GSE1: variants seen among roughly 807,000 people sequenced by gnomAD.
GSE1 encodes Gse1 coiled-coil protein.
GSE1 carries 32 observed loss-of-function variants against 112.6 expected under a neutral mutation model. The observed-to-expected ratio is 0.28, with a 90% CI of 0.21 to 0.38. The LOEUF is 0.38. Ranked by LOEUF, GSE1 falls within the 10% of genes least tolerant of loss-of-function variation. The pLI is 1.00. For synonymous variants in GSE1, 1,115 were observed against 735.6 expected, an observed-to-expected ratio of 1.52 and a Z score of -8.35; for missense variants, 2,348 against 1,699.2, an observed-to-expected ratio of 1.38 and a Z score of -6.71.
At chr16:85,417,323 G>A (rs775337007) in intron 2 of GSE1, among the ~76,000 whole-genome samples, 2 of 152,146 alleles carry the variant, frequency 1.3e-5, no homozygotes, top group Non-Finnish European at 2.9e-5. Context: ...ATTGCCAGAT[G>A]TCCCCCTGGG....
At chr16:85,472,701 G>T (rs147858159) in intron 2 of GSE1, among the ~76,000 whole-genome samples, 11 of 152,356 alleles carry the variant, frequency 7.2e-5, no homozygotes, top group Admixed American at 3.9e-4. Flanking sequence ...CCCTGCTGCT[G>T]TCTGCGGCTC....
At chr16:85,661,966 T>C (rs2052471858) in intron 9 of GSE1, among the ~76,000 whole-genome samples, 1 of 152,218 alleles carries the variant, frequency 6.6e-6, no homozygotes, top group African/African-American at 2.4e-5. Flanking sequence ...TCCCCGTGCC[T>C]GTCCTGCCTC....
intron 1 of GSE1, among the ~76,000 whole-genome samples, chr16:85,621,223 T>C (rs890451268): frequency 2.7e-5 from 4 of 150,712 alleles, no homozygotes; most frequent in Admixed American, 6.6e-5. Context: ...GGGTCTCTGC[T>C]GTGTTGGGGA....
chr16:85,614,899 C>T (rs202101809), intron 1 of GSE1, among the ~76,000 whole-genome samples: 2 of 152,242 alleles, frequency 1.3e-5, no homozygotes, highest in East Asian at 3.9e-4. Context: ...AGCCGCACTC[C>T]GGGTGGAAGC....
chr16:85,571,970 G>T (rs908650258), intron 1 of GSE1, among the ~76,000 whole-genome samples: 1 of 152,018 alleles, frequency 6.6e-6, no homozygotes, highest in Non-Finnish European at 1.5e-5. Flanking sequence ...GTGGGGACCA[G>T]GTGGACCCTG....
At chr16:85,209,588 C>T (rs1004819796) in intron 1 of GSE1, among the ~76,000 whole-genome samples, 1 of 152,190 alleles carries the variant, frequency 6.6e-6, no homozygotes, top group African/African-American at 2.4e-5. Context: ...GAAACGGCTT[C>T]TGCAGCACCG....
intron 3 of GSE1, among the ~76,000 whole-genome samples, chr16:85,650,995 C>G (rs1298803145): frequency 2.7e-5 from 4 of 149,208 alleles, no homozygotes; most frequent in Admixed American, 2.7e-4. Flanking sequence ...CTATGGAACC[C>G]TTGCTCTAAT....
At chr16:85,336,515 C>T (rs559650245) in intron 1 of GSE1, among the ~76,000 whole-genome samples, 1 of 152,290 alleles carries the variant, frequency 6.6e-6, no homozygotes, top group East Asian at 1.9e-4. Context: ...TGGCTTTCTG[C>T]AGCCTGGTGG....
intron 11 of GSE1, among the ~76,000 whole-genome samples, chr16:85,664,239 G>A (rs555109270): frequency 5.9e-5 from 9 of 152,356 alleles, no homozygotes; most frequent in South Asian, 4.1e-4. Context: ...AGATGTTGAC[G>A]TTCCTGGCCC....
intron 1 of GSE1, among the ~76,000 whole-genome samples, chr16:85,334,146 C>G (rs66470643): frequency 2.0e-5 from 3 of 152,070 alleles, no homozygotes; most frequent in Non-Finnish European, 4.4e-5. Flanking sequence ...CGGCCTTCCT[C>G]GTCCCACACA....
intron 2 of GSE1, among the ~76,000 whole-genome samples, chr16:85,503,376 C>A (rs11860818): frequency 6.6e-6 from 1 of 152,072 alleles, no homozygotes; most frequent in African/African-American, 2.4e-5. Flanking sequence ...TCCACCTGCC[C>A]TCAGCTGCCG....
chr16:85,612,140 C>T (rs2048026215), upstream of GSE1, among the ~76,000 whole-genome samples: 1 of 151,766 alleles, frequency 6.6e-6, no homozygotes, highest in East Asian at 2.0e-4. Flanking sequence ...GGTTACAGCC[C>T]AGGGCGCCAG....
At chr16:85,474,650 G>T (rs369058359) in intron 2 of GSE1, among the ~76,000 whole-genome samples, 1 of 94,442 alleles carries the variant, frequency 1.1e-5, no homozygotes, top group Admixed American at 1.4e-4. Flanking sequence ...CTTTCCTCTT[G>T]CCCCCCCTCT....
chr16:85,594,252 G>A (rs2047126785), intron 1 of GSE1: 1 of 147,370 alleles, frequency 6.8e-6, no homozygotes, highest in African/African-American at 2.5e-5. Flanking sequence ...GGGGCGGAGG[G>A]GACAGGCGGG....
At chr16:85,192,684 T>G (rs1175108539) in intron 1 of GSE1, among the ~76,000 whole-genome samples, 1 of 152,168 alleles carries the variant, frequency 6.6e-6, no homozygotes, top group African/African-American at 2.4e-5. Context: ...CCTGGAGGCC[T>G]CCTGGCCTCC....
Position 85,655,751 on chromosome 16 carries a change from G to T in GSE1, c.823G>T (p.Ala275Ser). The change falls in exon 6 of 16, where the codon GCC (alanine) becomes TCC (serine). Residue 275 changes from alanine to serine, a missense_variant. By Grantham distance (99) the Ala-to-Ser change is moderately conservative (BLOSUM62 1). Transcript: ENST00000253458. Reference sequence around the variant, plus strand: ...GATGGACGACTCCTACTGCCTGTCTGCCCTGAGGTCCCCGTTCTACCCCAT... The same window carrying T: ...GATGGACGACTCCTACTGCCTGTCTTCCCTGAGGTCCCCGTTCTACCCCAT... ...FRMDDSYCLSALRSPFYPIPT... is the reference protein window; with the variant it reads ...FRMDDSYCLSSLRSPFYPIPT... 3.7e-6 allele frequency: 6 copies of T among 1,607,850 alleles called. No homozygotes were observed. The highest frequency in any genetic ancestry group is 5.1e-6 in the Non-Finnish European group (6 of 1,177,310).
intron 1 of GSE1, among the ~76,000 whole-genome samples, chr16:85,303,406 C>G (rs185484165): frequency 4.1e-4 from 63 of 152,334 alleles, no homozygotes; most frequent in African/African-American, 1.4e-3. Flanking sequence ...TCCCACCTGT[C>G]GGTCTGACGG....
intron 1 of GSE1, among the ~76,000 whole-genome samples, chr16:85,225,439 C>A (rs1017653947): frequency 5.9e-5 from 9 of 152,152 alleles, no homozygotes; most frequent in Admixed American, 4.6e-4. Context: ...GAGCAGTGAG[C>A]ACAGGGGCTT....
chr16:85,524,893 C>T (rs2052312859), intron 2 of GSE1, among the ~76,000 whole-genome samples: 1 of 152,182 alleles, frequency 6.6e-6, no homozygotes, highest in Non-Finnish European at 1.5e-5. Context: ...CTGGGATCTC[C>T]CGAGGCCCCC....
Sources: allele counts gnomAD v4.1 joint callset (sites outside exome capture counted in the v4.1 genomes callset), GRCh38; gene constraint gnomAD v4.1.1; transcripts MANE v1.5; gene names NCBI Gene and HGNC (gene_info 2026-07-23, HGNC 2026-07-21).